SLC35A1: variants seen among roughly 807,000 people sequenced by gnomAD.
The protein encoded by SLC35A1 is solute carrier family 35 member A1, also known as CMP-sialic acid transporter.
A neutral mutation model predicts 40.3 loss-of-function variants in SLC35A1; 21 were observed. The observed-to-expected ratio is 0.52, with a 90% CI of 0.37 to 0.75. SLC35A1 has a LOEUF of 0.75. Among genes scored for constraint, SLC35A1 ranks in the 30% least tolerant of loss-of-function variants. SLC35A1 has a pLI of 0.00. For synonymous variants in SLC35A1, 146 were observed against 147.3 expected (o/e 0.99, Z 0.06); for missense variants, 297 against 382.1 (o/e 0.78, Z 1.86).
At chr6:87,498,731 T>C (rs1290210867) in intron 2 of SLC35A1, among the ~76,000 whole-genome samples, 2 of 151,922 alleles carry the variant, frequency 1.3e-5, no homozygotes, top group South Asian at 2.1e-4. Flanking sequence ...GATTGCACCA[T>C]TGCACTCCAG....
At chr6:87,506,024 C>T (rs1321255881) in intron 4 of SLC35A1, among the ~76,000 whole-genome samples, 1 of 152,042 alleles carries the variant, frequency 6.6e-6, no homozygotes, top group Non-Finnish European at 1.5e-5. Context: ...AGGATTGATG[C>T]TATAAGCTCT....
At chr6:87,483,424 T>C (rs1582171068) in intron 2 of SLC35A1, among the ~76,000 whole-genome samples, 1 of 152,078 alleles carries the variant, frequency 6.6e-6, no homozygotes, top group South Asian at 2.1e-4. Flanking sequence ...TTCTGTGAGG[T>C]TCAGCCCCCC....
At position 87,500,616 on chromosome 6, in the gene SLC35A1, G is replaced by A; in HGVS notation, c.303G>A (p.Gln101=). Residue 101 remains glutamine, a synonymous_variant, in exon 3 of 8, where the codon CAG becomes CAA. Coordinates refer to ENST00000369552, the MANE Select transcript of SLC35A1 (RefSeq NM_006416.5). ...LSVPSLVYAV[Q]NNMAFLALSN... is the part of the protein sequence containing the mutation. ...TGCCATCGTTAGTGTATGCTGTTCA[G>A]AACAACATGGCTTTCCTAGCTCTTA... 1.2e-6 allele frequency: 2 copies of A among 1,614,142 alleles called. No individual in the cohort carries two copies. The highest frequency in any genetic ancestry group is 2.2e-5 in the East Asian group (1 of 44,878).
chr6:87,505,990 A>G (rs77406978), intron 4 of SLC35A1, among the ~76,000 whole-genome samples: 1,569 of 152,346 alleles, frequency 0.01, 24 homozygotes, highest in African/African-American at 0.034. Context: ...TGAGGAATAA[A>G]TAAGTTAAAT....
At chr6:87,491,696 G>A (rs900510127) in intron 2 of SLC35A1, among the ~76,000 whole-genome samples, 2 of 152,164 alleles carry the variant, frequency 1.3e-5, no homozygotes, top group Admixed American at 1.3e-4. Flanking sequence ...CATTTTTGGA[G>A]GCTGGAAAGT....
rs1250458137 is a variant in SLC35A1, at chr6:87,483,677, A to G, written c.194+6138A>G. Among the ~76,000 whole-genome samples the G allele has an allele frequency of 9.9e-5, 15 of 152,120 alleles. No homozygotes were observed. The East Asian group carries it at 2.9e-3, about 29-fold the overall frequency. On this transcript the variant is annotated intron_variant, in intron 2 of 7. Coordinates refer to ENST00000369552, the MANE Select transcript of SLC35A1 (RefSeq NM_006416.5). ...CGTGGAAGGCTCAACCCCTCAAACC[A>G]GGGATGTCTTGCCTTGCCTGCTCCG...
intron 2 of SLC35A1, chr6:87,487,913 T>C (rs1397964922): frequency 6.6e-6 from 1 of 152,178 alleles, no homozygotes; most frequent in Non-Finnish European, 1.5e-5. Flanking sequence ...TACATTTTAA[T>C]GAGTGGAGAA....
intron 2 of SLC35A1, among the ~76,000 whole-genome samples, chr6:87,478,186 A>G (rs919545548): frequency 5.9e-5 from 9 of 152,224 alleles, no homozygotes; most frequent in African/African-American, 2.2e-4. Context: ...CAAAAACATC[A>G]TGCAAGAATT....
At chr6:87,499,110 TATTA>T (rs1276944781) in intron 2 of SLC35A1, 2 of 983,686 alleles carry the variant, frequency 2.0e-6, no homozygotes, top group South Asian at 9.4e-5. Flanking sequence ...GTTCCTGTCT[TATTA>T]ATTAAGCATT....
At chr6:87,487,081 C>G (rs1342176206) in intron 2 of SLC35A1, among the ~76,000 whole-genome samples, 2 of 152,062 alleles carry the variant, frequency 1.3e-5, no homozygotes, top group Non-Finnish European at 2.9e-5. Context: ...GAGGCTGAGG[C>G]AGGAGAATTG....
At chr6:87,477,561 G>A (rs1028207941) in intron 2 of SLC35A1, 22 bp downstream of exon 2, 25 of 1,572,810 alleles carry the variant, frequency 1.6e-5, no homozygotes, top group Non-Finnish European at 2.1e-5. Context: ...TACTTATAGT[G>A]TGTTAAATTA....
intron 2 of SLC35A1, among the ~76,000 whole-genome samples, chr6:87,495,227 T>C (rs938522519): frequency 2.0e-5 from 3 of 152,232 alleles, no homozygotes; most frequent in African/African-American, 7.2e-5. Flanking sequence ...CCCAGCATGC[T>C]GGGATTATAG....
intron 4 of SLC35A1, among the ~76,000 whole-genome samples, chr6:87,501,698 T>G (rs994245160): frequency 6.6e-6 from 1 of 152,212 alleles, no homozygotes; most frequent in Non-Finnish European, 1.5e-5. Context: ...TTCAAACATC[T>G]CAGAAACACT....
Position 87,508,574 on chromosome 6 carries a change from A to G in SLC35A1, c.729A>G (p.Thr243=). 3 of 1,612,812 alleles carry G rather than the reference A, an allele frequency of 1.9e-6. No individual in the cohort carries two copies. The highest frequency in any genetic ancestry group is 2.5e-6 in the Non-Finnish European group (3 of 1,179,518). ...IKEKGFFYGY[T]YYVWFVIFLA... is the part of the protein sequence containing the mutation. ...AAAAAGGATTTTTCTATGGTTACAC[A>G]TATTATGTCTGGTTTGTCATCTGTA... The change falls in exon 6 of 8, where the codon ACA becomes ACG. Residue 243 remains threonine, a synonymous_variant. Transcript: ENST00000369552.
At chr6:87,490,066 A>T (rs1314868476) in intron 2 of SLC35A1, among the ~76,000 whole-genome samples, 3 of 151,744 alleles carry the variant, frequency 2.0e-5, no homozygotes, top group Non-Finnish European at 4.4e-5. Context: ...TCATCTCTAC[A>T]GAAAATACAA....
At chr6:87,479,909 A>G (rs1336348222) in intron 2 of SLC35A1, among the ~76,000 whole-genome samples, 6 of 152,140 alleles carry the variant, frequency 3.9e-5, no homozygotes, top group African/African-American at 1.2e-4. Context: ...GAGTTGAATG[A>G]CCTATAAGGA....
At chr6:87,491,215 C>T (rs1769542500) in intron 2 of SLC35A1, among the ~76,000 whole-genome samples, 1 of 152,124 alleles carries the variant, frequency 6.6e-6, no homozygotes, top group Non-Finnish European at 1.5e-5. Context: ...AACCTGAAAT[C>T]CAAAGGGCTC....
intron 2 of SLC35A1, among the ~76,000 whole-genome samples, chr6:87,485,136 T>G (rs1769357300): frequency 6.6e-6 from 1 of 152,212 alleles, no homozygotes; most frequent in Non-Finnish European, 1.5e-5. Flanking sequence ...CAGTGTTTTA[T>G]TTGCTGTGAT....
At chr6:87,499,946 A>G (rs1212355065) in intron 2 of SLC35A1, among the ~76,000 whole-genome samples, 1 of 152,126 alleles carries the variant, frequency 6.6e-6, no homozygotes, top group Non-Finnish European at 1.5e-5. Context: ...CTAAAAATAC[A>G]AAAAATTTAG....
Sources: allele counts gnomAD v4.1 joint callset (sites outside exome capture counted in the v4.1 genomes callset), GRCh38; gene constraint gnomAD v4.1.1; transcripts MANE v1.5; gene names NCBI Gene and HGNC (gene_info 2026-07-23, HGNC 2026-07-21).